Variants in NOSTRIN observed in about 807,000 individuals in gnomAD.
NOSTRIN encodes nitric oxide synthase trafficking, also known as BM247 homolog.
A neutral mutation model predicts 59.0 loss-of-function variants in NOSTRIN; 63 were observed. That is an observed-to-expected ratio of 1.07 (90% CI 0.87 to 1.32). The LOEUF is 1.32. Among genes scored for constraint, NOSTRIN ranks in the 40% most tolerant of loss-of-function variants. NOSTRIN has a pLI of 0.00. For missense variants in NOSTRIN, 512 were observed against 473.1 expected (o/e 1.08, Z -0.76); for synonymous variants, 200 against 165.4 (o/e 1.21, Z -1.61).
intron 2 of NOSTRIN, among the ~76,000 whole-genome samples, chr2:168,821,476 T>C (rs1449508657): frequency 6.6e-6 from 1 of 152,252 alleles, no homozygotes; most frequent in African/African-American, 2.4e-5. Context: ...GTGCCTGTTA[T>C]GTGCCAAGCA....
chr2:168,791,177 G>A (rs1230097664), intron 2 of NOSTRIN, among the ~76,000 whole-genome samples: 1 of 152,076 alleles, frequency 6.6e-6, no homozygotes, highest in Non-Finnish European at 1.5e-5. Flanking sequence ...AGTGTGTGAT[G>A]TTCCCCTTCC....
chr2:168,842,848 A>T, intron 7 of NOSTRIN, 144 bp from the exon 8 acceptor site: 1 of 629,708 alleles, frequency 1.6e-6, no homozygotes, highest in African/African-American at 1.8e-5. Context: ...AAGATCTTTC[A>T]TTTTGTCAAC....
chr2:168,822,066 AG>A (rs1252417481), intron 2 of NOSTRIN, among the ~76,000 whole-genome samples: 1 of 152,232 alleles, frequency 6.6e-6, no homozygotes, highest in Non-Finnish European at 1.5e-5. Flanking sequence ...GAGTTCATCA[AG>A]GGTGATGGTC....
chr2:168,826,576 T>A (rs1441259933), intron 3 of NOSTRIN, among the ~76,000 whole-genome samples: 1 of 152,138 alleles, frequency 6.6e-6, no homozygotes, highest in Admixed American at 6.5e-5. Flanking sequence ...TCTTCCAAGG[T>A]CATGCAGAAA....
upstream of NOSTRIN, among the ~76,000 whole-genome samples, chr2:168,795,945 C>T (rs1176591065): frequency 2.0e-5 from 3 of 152,122 alleles, no homozygotes; most frequent in East Asian, 1.9e-4. Flanking sequence ...GGGCAAAGGC[C>T]GAAACCCTTA....
chr2:168,804,328 G>A (rs1452917261), intron 1 of NOSTRIN, among the ~76,000 whole-genome samples: 2 of 152,180 alleles, frequency 1.3e-5, no homozygotes, highest in Non-Finnish European at 2.9e-5. Context: ...AAGGTCATCT[G>A]TATGGGCTCA....
upstream of NOSTRIN, among the ~76,000 whole-genome samples, chr2:168,797,062 CTTTCTTTTTCTTTTTTCTTT>C: frequency 8.4e-6 from 1 of 119,140 alleles, no homozygotes; most frequent in African/African-American, 3.1e-5. Flanking sequence ...TCTTTTCTTT[CTTTCTTTTTCTTTTTTCTTT>C]TTTTTTTTTT....
At chr2:168,843,240 G>T in intron 8 of NOSTRIN, 123 bp downstream of exon 8, 1 of 582,376 alleles carries the variant, frequency 1.7e-6, no homozygotes, top group Non-Finnish European at 3.0e-6. Context: ...CACATATTGT[G>T]ACTTCAGACA....
chr2:168,847,583 GCAAGAA>G (rs1289136658), intron 8 of NOSTRIN, among the ~76,000 whole-genome samples: 4 of 152,234 alleles, frequency 2.6e-5, no homozygotes, highest in African/African-American at 9.6e-5. Flanking sequence ...GGCTAGGACA[GCAAGAA>G]CTGGAAGGAA....
chr2:168,817,337 C>T (rs1351351403), intron 2 of NOSTRIN, among the ~76,000 whole-genome samples: 1 of 152,172 alleles, frequency 6.6e-6, no homozygotes, highest in Non-Finnish European at 1.5e-5. Flanking sequence ...GTCATGAAGC[C>T]CAGTGGCTTT....
chr2:168,812,721 C>T (rs1574265980), intron 2 of NOSTRIN, among the ~76,000 whole-genome samples: 1 of 152,080 alleles, frequency 6.6e-6, no homozygotes, highest in South Asian at 2.1e-4. Context: ...AAAGTCTGCT[C>T]CTAGATCCTC....
intron 10 of NOSTRIN, among the ~76,000 whole-genome samples, chr2:168,853,370 T>A (rs1688885872): frequency 6.6e-6 from 1 of 152,202 alleles, no homozygotes; most frequent in Admixed American, 6.5e-5. Flanking sequence ...CTTGGTGACC[T>A]GGTGAAAATA....
chr2:168,849,670 C>CAAAAAA (rs10650489), intron 8 of NOSTRIN, among the ~76,000 whole-genome samples: 23 of 118,668 alleles, frequency 1.9e-4, no homozygotes, highest in African/African-American at 5.3e-4. Context: ...CTTGTTTTTA[C>CAAAAAA]AAAAAAAAAA....
At chr2:168,847,280 C>A (rs192068664) in intron 8 of NOSTRIN, among the ~76,000 whole-genome samples, 13 of 152,268 alleles carry the variant, frequency 8.5e-5, no homozygotes, top group Admixed American at 4.6e-4. Flanking sequence ...ATAGCAGTCA[C>A]TTCTGGGTGG....
chr2:168,859,518 T>G lies in NOSTRIN; in HGVS notation c.1060T>G (p.Leu354Val). 1 of 1,614,074 alleles carries G rather than the reference T, an allele frequency of 6.2e-7. No homozygotes were observed. The highest frequency in any genetic ancestry group is 1.1e-5 in the South Asian group (1 of 91,070). The change falls in exon 13 of 16, where the codon TTG (leucine) becomes GTG (valine). Residue 354 changes from leucine (L) to valine (V), a missense_variant. Coordinates refer to ENST00000317647, the MANE Select transcript of NOSTRIN (RefSeq NM_001039724.4). Reference sequence around the variant, plus strand: ...CCAAATGATGTATCCACAGAACAATTTGAAACTAGACCTTTTGGAAGCGAA... The same window carrying G: ...CCAAATGATGTATCCACAGAACAATGTGAAACTAGACCTTTTGGAAGCGAA... Reference protein sequence around the residue: ...DTAALMDENNLKLDLLEANSY... With the variant: ...DTAALMDENNVKLDLLEANSY...
intron 15 of NOSTRIN, chr2:168,863,290 G>GAGAATAATGTCCTTTAAGAATAGTGATTT: frequency 2.0e-6 from 1 of 507,328 alleles, no homozygotes. Context: ...CTTAGAGACC[G>GAGAATAATGTCCTTTAAGAATAGTGATTT]AGAATAATGT....
chr2:168,863,304 T>TTAAGAA (rs1287331010), intron 15 of NOSTRIN: 13 of 656,008 alleles, frequency 2.0e-5, no homozygotes, highest in Non-Finnish European at 2.5e-5. Flanking sequence ...ATAATGTCCT[T>TTAAGAA]TAAGAATAGT....
chr2:168,855,283 TC>T, intron 10 of NOSTRIN, 68 bp from the exon 11 acceptor site: 1 of 718,258 alleles, frequency 1.4e-6, no homozygotes, highest in South Asian at 2.4e-5. Flanking sequence ...AGTGGAAGTA[TC>T]AGAATGGACA....
At chr2:168,797,084 T>TTTTTTTC (rs1553519719), upstream of NOSTRIN, among the ~76,000 whole-genome samples, 317 of 31,704 alleles carry the variant, frequency 1.0e-2, 2 homozygotes, top group African/African-American at 0.031. Flanking sequence ...TTTTTCTTTT[T>TTTTTTTC]TTTTTTTTTT....
Sources: gnomAD v4.1 joint callset for allele counts (sites outside exome capture counted in the v4.1 genomes callset) on GRCh38, gnomAD v4.1.1 for gene constraint, MANE v1.5 for transcripts, NCBI Gene and HGNC (gene_info 2026-07-23, HGNC 2026-07-21) for gene names.